The following SNX29 variants were observed in gnomAD, a reference collection of about 807,000 sequenced individuals.
The protein encoded by SNX29 is sorting nexin-29.
Under a neutral mutation model 102.1 loss-of-function variants are expected in SNX29, and 78 were observed. The ratio of observed to expected loss-of-function variants is 0.76; its 90% CI spans 0.64 to 0.92. The LOEUF is 0.92. Ranked by LOEUF, SNX29 falls within the 40% of genes least tolerant of loss-of-function variation. The probability of loss-of-function intolerance (pLI) is 0.00; values close to 1 mark genes in which losing one functional copy is unlikely to be tolerated. For missense variants in SNX29, 1,280 were observed against 1,061.7 expected, an observed-to-expected ratio of 1.21 and a Z score of -2.86; for synonymous variants, 580 against 414.5, an observed-to-expected ratio of 1.40 and a Z score of -4.85.
chr16:12,341,883 A>G (rs1442916320), intron 15 of SNX29, among the ~76,000 whole-genome samples: 1 of 152,226 alleles, frequency 6.6e-6, no homozygotes, highest in Non-Finnish European at 1.5e-5. Flanking sequence ...TCTTCATGAC[A>G]TTCCCATTGT....
chr16:12,540,007 T>G (rs939654792), intron 20 of SNX29, among the ~76,000 whole-genome samples: 1 of 152,184 alleles, frequency 6.6e-6, no homozygotes, highest in African/African-American at 2.4e-5. Context: ...TTCAGTGTCT[T>G]TTGCATGACA....
At chr16:12,246,839 G>C (rs2078273455) in intron 14 of SNX29, among the ~76,000 whole-genome samples, 1 of 152,174 alleles carries the variant, frequency 6.6e-6, no homozygotes, top group African/African-American at 2.4e-5. Flanking sequence ...GATGGATCTG[G>C]CATGGCTTTT....
intron 7 of SNX29, among the ~76,000 whole-genome samples, chr16:12,050,564 G>C (rs1386111977): frequency 6.6e-6 from 1 of 152,118 alleles, no homozygotes; most frequent in African/African-American, 2.4e-5. Context: ...CAGTGCTGGG[G>C]CAGCTCGGGT....
intron 10 of SNX29, among the ~76,000 whole-genome samples, chr16:12,076,191 T>C (rs1348749237): frequency 1.3e-5 from 2 of 152,124 alleles, no homozygotes; most frequent in East Asian, 3.9e-4. Context: ...CACTCCGTAG[T>C]GAGATGAACC....
chr16:12,019,162 TGAGTTAGGTTCA>T (rs748479878), intron 3 of SNX29, among the ~76,000 whole-genome samples: 2 of 152,164 alleles, frequency 1.3e-5, no homozygotes, highest in Non-Finnish European at 2.9e-5. Flanking sequence ...TTTTAGCAAA[TGAGTTAGGTTCA>T]GAAAAGTATG....
At chr16:12,247,589 A>G (rs998334130) in intron 14 of SNX29, among the ~76,000 whole-genome samples, 18 of 152,212 alleles carry the variant, frequency 1.2e-4, no homozygotes, top group Non-Finnish European at 1.3e-4. Flanking sequence ...CTGGAGAGCC[A>G]TCAGGTCCAT....
At chr16:12,443,795 C>G (rs1326903466) in intron 18 of SNX29, among the ~76,000 whole-genome samples, 1 of 152,254 alleles carries the variant, frequency 6.6e-6, no homozygotes, top group African/African-American at 2.4e-5. Context: ...GGATGGCTGT[C>G]ATGTGTGACT....
At chr16:12,513,449 C>G (rs975473176) in intron 19 of SNX29, among the ~76,000 whole-genome samples, 59 of 152,148 alleles carry the variant, frequency 3.9e-4, no homozygotes, top group Non-Finnish European at 7.4e-5. Context: ...CCTGCGCTGC[C>G]TTCCTCTGCT....
chr16:12,474,761 C>G (rs2087513244), intron 18 of SNX29, among the ~76,000 whole-genome samples: 2 of 152,134 alleles, frequency 1.3e-5, no homozygotes, highest in Admixed American at 6.6e-5. Context: ...TTTTAAAGTG[C>G]ATTGATCTCT....
chr16:12,273,493 G>C (rs551402041), intron 14 of SNX29, among the ~76,000 whole-genome samples: 9 of 151,946 alleles, frequency 5.9e-5, no homozygotes, highest in African/African-American at 2.2e-4. Flanking sequence ...CGAGTAGTTG[G>C]GGTTACAGGC....
intron 14 of SNX29, among the ~76,000 whole-genome samples, chr16:12,251,987 C>CTGGCCTCAAGCAGTCCTCTCACCT (rs879713345): frequency 6.6e-5 from 10 of 152,088 alleles, no homozygotes; most frequent in Non-Finnish European, 1.3e-4. Context: ...TGTCGAACTC[C>CTGGCCTCAAGCAGTCCTCTCACCT]TGGCCTCAAG....
chr16:11,992,397 C>T (rs1445082861), intron 1 of SNX29, among the ~76,000 whole-genome samples: 2 of 119,430 alleles, frequency 1.7e-5, no homozygotes, highest in Non-Finnish European at 4.2e-5. Flanking sequence ...CATTGTTGAG[C>T]AATCAGCCCT....
At chr16:12,200,899 G>A (rs1169026055) in intron 14 of SNX29, among the ~76,000 whole-genome samples, 3 of 152,298 alleles carry the variant, frequency 2.0e-5, no homozygotes, top group South Asian at 2.1e-4. Context: ...TGTCATGAGA[G>A]CATTGTGAGG....
intron 11 of SNX29, among the ~76,000 whole-genome samples, chr16:12,119,912 G>A (rs1315128600): frequency 2.0e-5 from 3 of 152,198 alleles, no homozygotes; most frequent in African/African-American, 4.8e-5. Context: ...GGTGCCTCTC[G>A]CATTGCTGGG....
intron 15 of SNX29, among the ~76,000 whole-genome samples, chr16:12,302,509 T>C (rs1015516567): frequency 6.6e-6 from 1 of 152,212 alleles, no homozygotes; most frequent in Admixed American, 6.5e-5. Context: ...GGGCCCACTT[T>C]GTGGTTCATA....
rs2079176269 is a variant in SNX29, at chr16:12,571,012, T to G, written c.*2383T>G. 4.3e-6 allele frequency: 1 copy of G among 232,578 alleles called. No homozygotes were observed. The highest frequency in any genetic ancestry group is 8.5e-6 in the Non-Finnish European group (1 of 117,656). The allele number at this position is 232,578 out of a possible 1,614,324, so 14.4% of individuals were successfully genotyped here. A position where few individuals can be genotyped will look rare whatever the true frequency, so the allele number is the denominator to read the frequency against. ...ATCATGCACAGACCGTAGAGTCGAG[T>G]CATCTCGCAGATCCAGACCATCTCC... On this transcript the variant is annotated 3_prime_UTR_variant, in exon 21 of 21. Coordinates refer to ENST00000566228, the MANE Select transcript of SNX29 (RefSeq NM_032167.5).
intron 19 of SNX29, among the ~76,000 whole-genome samples, chr16:12,522,494 C>T (rs548855934): frequency 8.5e-5 from 13 of 152,176 alleles, no homozygotes; most frequent in Non-Finnish European, 1.0e-4. Context: ...AATCTCCTGT[C>T]GAATTGTAAT....
intron 14 of SNX29, among the ~76,000 whole-genome samples, chr16:12,240,339 C>T (rs1433290618): frequency 9.9e-5 from 15 of 152,148 alleles, no homozygotes; most frequent in Admixed American, 7.2e-4. Context: ...GCCTGTCAGG[C>T]CTCACCCTCC....
chr16:12,570,067 A>C lies in SNX29; in HGVS notation c.*1438A>C. 3.1e-6 allele frequency: 2 copies of C among 651,688 alleles called. No homozygotes were observed. The highest frequency in any genetic ancestry group is 4.0e-6 in the Non-Finnish European group (2 of 501,926). The allele number at this position is 651,688 out of a possible 1,614,324, so 40.4% of individuals were successfully genotyped here. On this transcript the variant is annotated 3_prime_UTR_variant, in exon 21 of 21. Coordinates refer to ENST00000566228, the MANE Select transcript of SNX29 (RefSeq NM_032167.5). The stretch of plus-strand genomic sequence containing the variant: ...GGCTCGAGGACATCTCTGGAGAATC[A>C]TCTGGAAGGTTTATACTGTGCCTTC...
Sources: allele counts gnomAD v4.1 joint callset (sites outside exome capture counted in the v4.1 genomes callset), GRCh38; gene constraint gnomAD v4.1.1; transcripts MANE v1.5; gene names NCBI Gene and HGNC (gene_info 2026-07-23, HGNC 2026-07-21).